Variants in ADGRL2 observed in about 807,000 individuals in gnomAD.
ADGRL2 encodes the protein adhesion G protein-coupled receptor L2, also known as calcium-independent alpha-latrotoxin receptor 2.
Under a neutral mutation model 157.4 loss-of-function variants are expected in ADGRL2, and 44 were observed. The observed-to-expected ratio is 0.28, with a 90% confidence interval of 0.22 to 0.36. ADGRL2 has a LOEUF of 0.36. Ranked by LOEUF, ADGRL2 falls within the 10% of genes least tolerant of loss-of-function variation. The pLI is 1.00. For missense variants in ADGRL2, 1,510 were observed against 1,768.9 expected (o/e 0.85, Z 2.63); for synonymous variants, 585 against 624.7 (o/e 0.94, Z 0.95).
chr1:81,701,044 C>T (rs2083560365), intron 1 of ADGRL2, among the ~76,000 whole-genome samples: 2 of 152,212 alleles, frequency 1.3e-5, no homozygotes, highest in Admixed American at 1.3e-4. Flanking sequence ...GGCTGGCAAG[C>T]AGACAGGGTA....
At chr1:81,693,931 C>T (rs1356845134) in intron 3 of ADGRL2, among the ~76,000 whole-genome samples, 1 of 152,030 alleles carries the variant, frequency 6.6e-6, no homozygotes, top group Non-Finnish European at 1.5e-5. Context: ...TGGAGGTAAG[C>T]AGATATGTAA....
chr1:81,786,172 T>C (rs561722932), intron 2 of ADGRL2, among the ~76,000 whole-genome samples: 2 of 152,266 alleles, frequency 1.3e-5, no homozygotes, highest in East Asian at 3.9e-4. Flanking sequence ...ATAATCATGC[T>C]AAAAATTTGT....
At chr1:81,785,165 A>T (rs2086984673) in intron 2 of ADGRL2, among the ~76,000 whole-genome samples, 1 of 152,170 alleles carries the variant, frequency 6.6e-6, no homozygotes, top group Admixed American at 6.5e-5. Flanking sequence ...GTTGACAGAT[A>T]TTTGTTTTAC....
chr1:81,791,236 C>T (rs1013064008), intron 2 of ADGRL2, among the ~76,000 whole-genome samples: 2 of 151,814 alleles, frequency 1.3e-5, no homozygotes, highest in Non-Finnish European at 2.9e-5. Flanking sequence ...CCATTATCTC[C>T]CCAAGAGTCA....
At chr1:81,971,045 A>G (rs569298207) in intron 16 of ADGRL2, among the ~76,000 whole-genome samples, 14 of 152,244 alleles carry the variant, frequency 9.2e-5, no homozygotes, top group South Asian at 2.1e-4. Flanking sequence ...ATAAAAGTAT[A>G]GATATTTACA....
intron 1 of ADGRL2, among the ~76,000 whole-genome samples, chr1:81,399,293 A>T (rs2076710525): frequency 6.6e-6 from 1 of 152,218 alleles, no homozygotes; most frequent in Non-Finnish European, 1.5e-5. Context: ...TTAGGTGGAG[A>T]CACAAATCCA....
chr1:81,768,925 A>G (rs770519157), intron 2 of ADGRL2, among the ~76,000 whole-genome samples: 17 of 152,128 alleles, frequency 1.1e-4, no homozygotes, highest in Non-Finnish European at 2.1e-4. Flanking sequence ...TACTAAAAAA[A>G]AATACAAAAA....
chr1:81,341,415 C>T (rs1662062941), intron 1 of ADGRL2, among the ~76,000 whole-genome samples: 2 of 151,650 alleles, frequency 1.3e-5, no homozygotes, highest in Admixed American at 1.3e-4. Flanking sequence ...AATGATTCAT[C>T]AGTAGGGCTA....
Position 81,990,611 on chromosome 1 carries a change from G to GC in ADGRL2, c.3877dup (p.Leu1293ProfsTer12). 1 of 1,614,132 alleles carries GC rather than the reference G, an allele frequency of 6.2e-7. No individual in the cohort carries two copies. The highest frequency in any genetic ancestry group is 8.5e-7 in the Non-Finnish European group (1 of 1,180,012). On this transcript the variant is annotated frameshift_variant, in exon 24 of 24. Transcript: ENST00000686636. LOFTEE classifies it high-confidence loss of function. Reference sequence around the variant, plus strand: ...GCAGCAGCAAGACTCACAACCTCGAGCTCACGCTACCAGTCAAACCTGTGA... The same window carrying GC: ...GCAGCAGCAAGACTCACAACCTCGAGCCTCACGCTACCAGTCAAACCTGTGA...
intron 3 of ADGRL2, among the ~76,000 whole-genome samples, chr1:81,648,262 G>A (rs527635928): frequency 1.3e-5 from 2 of 152,272 alleles, no homozygotes; most frequent in South Asian, 2.1e-4. Flanking sequence ...CAACACAGAG[G>A]ATTAGAACCA....
intron 3 of ADGRL2, among the ~76,000 whole-genome samples, chr1:81,612,406 T>C (rs1033715034): frequency 2.6e-5 from 4 of 152,072 alleles, no homozygotes; most frequent in African/African-American, 4.8e-5. Context: ...TAGGTAACAA[T>C]AGCAAAAGCC....
chr1:81,949,306 G>T (rs1650979615), intron 6 of ADGRL2, among the ~76,000 whole-genome samples: 1 of 152,176 alleles, frequency 6.6e-6, no homozygotes, highest in Non-Finnish European at 1.5e-5. Flanking sequence ...ATTAATGGAA[G>T]AAACATTGAG....
At chr1:81,765,020 T>G (rs946687337) in intron 2 of ADGRL2, among the ~76,000 whole-genome samples, 1 of 152,044 alleles carries the variant, frequency 6.6e-6, no homozygotes, top group Non-Finnish European at 1.5e-5. Context: ...GATTATATAT[T>G]GTGTATTTTG....
At chr1:81,645,590 G>A (rs1032161210) in intron 3 of ADGRL2, among the ~76,000 whole-genome samples, 9 of 151,704 alleles carry the variant, frequency 5.9e-5, no homozygotes, top group African/African-American at 2.2e-4. Flanking sequence ...ACATATATAA[G>A]TATATATATA....
chr1:81,784,968 C>A (rs1164875127), intron 2 of ADGRL2, among the ~76,000 whole-genome samples: 1 of 151,856 alleles, frequency 6.6e-6, no homozygotes, highest in African/African-American at 2.4e-5. Flanking sequence ...TTTTTGTAAG[C>A]TAAATACTAT....
At chr1:81,600,977 G>A (rs532656901) in intron 3 of ADGRL2, among the ~76,000 whole-genome samples, 2 of 152,306 alleles carry the variant, frequency 1.3e-5, no homozygotes, top group South Asian at 4.1e-4. Flanking sequence ...AAAAGGAACA[G>A]TCAGTCTGAA....
At chr1:81,399,837 T>C (rs1557659824) in intron 1 of ADGRL2, among the ~76,000 whole-genome samples, 1 of 152,212 alleles carries the variant, frequency 6.6e-6, no homozygotes, top group East Asian at 1.9e-4. Context: ...TTGGTGGTAT[T>C]GTATTTCCTT....
At chr1:81,366,242 C>A (rs551491692) in intron 1 of ADGRL2, among the ~76,000 whole-genome samples, 4 of 151,898 alleles carry the variant, frequency 2.6e-5, no homozygotes, top group African/African-American at 9.7e-5. Flanking sequence ...ACTTCCATCA[C>A]TTCATGAGCT....
intron 3 of ADGRL2, among the ~76,000 whole-genome samples, chr1:81,910,795 T>G (rs2094703168): frequency 2.0e-5 from 3 of 151,846 alleles, no homozygotes; most frequent in Admixed American, 1.3e-4. Context: ...CCCCTTTATA[T>G]TTCTCAAAAA....
Sources: gnomAD v4.1 joint callset for allele counts (sites outside exome capture counted in the v4.1 genomes callset) on GRCh38, gnomAD v4.1.1 for gene constraint, MANE v1.5 for transcripts, NCBI Gene and HGNC (gene_info 2026-07-23, HGNC 2026-07-21) for gene names.